JAZF1: variants seen among roughly 807,000 people sequenced by gnomAD.
The protein encoded by JAZF1 is JAZF zinc finger 1.
A neutral mutation model predicts 26.4 loss-of-function variants in JAZF1; 8 were observed. The ratio of observed to expected loss-of-function variants is 0.30; its 90% CI spans 0.18 to 0.55. JAZF1 has a LOEUF of 0.55. Among genes scored for constraint, JAZF1 ranks in the 20% least tolerant of loss-of-function variants. The pLI is 0.94. For missense variants in JAZF1, 199 were observed against 322.0 expected, an observed-to-expected ratio of 0.62 and a Z score of 2.92; for synonymous variants, 126 against 122.3, an observed-to-expected ratio of 1.03 and a Z score of -0.20.
intron 1 of JAZF1, among the ~76,000 whole-genome samples, chr7:28,147,710 A>G (rs1431581146): frequency 6.7e-6 from 1 of 149,786 alleles, no homozygotes; most frequent in African/African-American, 2.4e-5. Flanking sequence ...ATATATACAT[A>G]TATATATACA....
chr7:27,958,066 C>T (rs1278643056), intron 2 of JAZF1, among the ~76,000 whole-genome samples: 1 of 152,106 alleles, frequency 6.6e-6, no homozygotes, highest in Non-Finnish European at 1.5e-5. Context: ...AGAGGAGGTG[C>T]AAGGAATGGG....
chr7:28,091,474 T>C (rs1466485083), intron 1 of JAZF1, among the ~76,000 whole-genome samples: 2 of 151,790 alleles, frequency 1.3e-5, no homozygotes, highest in African/African-American at 4.8e-5. Context: ...TTTAGGTATT[T>C]CCCATTAAAT....
intron 4 of JAZF1, among the ~76,000 whole-genome samples, chr7:27,838,899 G>A (rs554161032): frequency 6.6e-6 from 1 of 152,156 alleles, no homozygotes; most frequent in Non-Finnish European, 1.5e-5. Context: ...CAGTTAATGG[G>A]GCTGGAGCCA....
chr7:28,083,484 T>G (rs1784168456), intron 1 of JAZF1, among the ~76,000 whole-genome samples: 1 of 152,354 alleles, frequency 6.6e-6, no homozygotes, highest in South Asian at 2.1e-4. Flanking sequence ...TCACATGCTA[T>G]GTGAACTCAG....
Position 27,895,382 on chromosome 7 carries a change from A to C in JAZF1, c.223T>G (p.Ser75Ala). The change falls in exon 3 of 5, where the codon TCC becomes GCC. Residue 75 changes from serine to alanine, a missense_variant. Around this residue, in one of 2 missense-constraint regions of JAZF1, gnomAD observed 137 missense variants for 184.8 expected, o/e 0.74. Transcript: ENST00000283928. ...TTCGGCTGAATCTTCTTCTTTAGGG[A>C]CTCCTGCTCTCGGCGGGCAGCATCT... is the stretch of plus-strand genomic sequence containing the variant. ...MTDAARREQE[S>A]LKKKIQPKLS... 1 of 1,587,800 alleles carries C rather than the reference A, an allele frequency of 6.3e-7. No homozygotes were observed. Among genetic ancestry groups the C allele is most frequent in the Non-Finnish European group, 8.6e-7 (1 of 1,167,424 alleles).
intron 2 of JAZF1, among the ~76,000 whole-genome samples, chr7:27,985,113 T>C (rs1272342041): frequency 1.3e-5 from 2 of 151,996 alleles, no homozygotes; most frequent in Non-Finnish European, 2.9e-5. Flanking sequence ...AGAGCAGAAC[T>C]GAAGAAGATA....
At chr7:28,026,566 A>T (rs1381298372) in intron 1 of JAZF1, among the ~76,000 whole-genome samples, 1 of 152,148 alleles carries the variant, frequency 6.6e-6, no homozygotes, top group Non-Finnish European at 1.5e-5. Context: ...TTGAAAATGC[A>T]TTCCCCCTAG....
chr7:27,916,051 G>A (rs1235055175), intron 2 of JAZF1, among the ~76,000 whole-genome samples: 1 of 152,046 alleles, frequency 6.6e-6, no homozygotes, highest in Non-Finnish European at 1.5e-5. Flanking sequence ...CACAGGGGTG[G>A]GTATGGGAGG....
intron 3 of JAZF1, among the ~76,000 whole-genome samples, chr7:27,892,496 G>T (rs1338395417): frequency 2.0e-5 from 3 of 152,062 alleles, no homozygotes; most frequent in African/African-American, 7.3e-5. Context: ...CACTAATTGG[G>T]GCAGTCACAG....
chr7:27,940,282 C>A (rs147877646), intron 2 of JAZF1, among the ~76,000 whole-genome samples: 1,208 of 93,700 alleles, frequency 0.013, 18 homozygotes, highest in African/African-American at 0.049. Context: ...AGGGCCGGGT[C>A]ACGGCGGTGT....
intron 1 of JAZF1, among the ~76,000 whole-genome samples, chr7:28,031,205 T>C (rs1439069823): frequency 6.6e-6 from 1 of 152,122 alleles, no homozygotes; most frequent in Admixed American, 6.5e-5. Flanking sequence ...AAGAAAGAAG[T>C]CACCCTTAGG....
intron 3 of JAZF1, among the ~76,000 whole-genome samples, chr7:27,866,276 A>G (rs990723081): frequency 1.3e-5 from 2 of 152,244 alleles, no homozygotes; most frequent in African/African-American, 4.8e-5. Flanking sequence ...CCAGATTGCA[A>G]TGTGCAAAGG....
At chr7:27,867,916 G>A (rs1238884932) in intron 3 of JAZF1, among the ~76,000 whole-genome samples, 3 of 152,200 alleles carry the variant, frequency 2.0e-5, no homozygotes, top group African/African-American at 7.2e-5. Flanking sequence ...CCCTGGCAAT[G>A]CTTTTCCTGT....
At chr7:28,031,787 C>T (rs1159694468) in intron 1 of JAZF1, among the ~76,000 whole-genome samples, 1 of 152,120 alleles carries the variant, frequency 6.6e-6, no homozygotes, top group African/African-American at 2.4e-5. Flanking sequence ...CTGGGCTTAA[C>T]ACCTGAGTGA....
intron 2 of JAZF1, among the ~76,000 whole-genome samples, chr7:27,973,993 C>T (rs1009644840): frequency 2.6e-5 from 4 of 151,976 alleles, no homozygotes; most frequent in Non-Finnish European, 4.4e-5. Context: ...ACATTTGGTG[C>T]CTGATTATTT....
At chr7:27,989,354 A>T (rs1300700565) in intron 2 of JAZF1, among the ~76,000 whole-genome samples, 1 of 152,238 alleles carries the variant, frequency 6.6e-6, no homozygotes, top group Non-Finnish European at 1.5e-5. Flanking sequence ...AAACCTAGGC[A>T]ATAGCATTCA....
At chr7:27,993,585 A>G (rs1785951043) in intron 1 of JAZF1, among the ~76,000 whole-genome samples, 1 of 152,182 alleles carries the variant, frequency 6.6e-6, no homozygotes, top group Admixed American at 6.5e-5. Context: ...GAAATGGCAC[A>G]TTGGTATGCT....
chr7:28,179,173 A>C (rs1205142389), intron 1 of JAZF1, among the ~76,000 whole-genome samples: 1 of 152,224 alleles, frequency 6.6e-6, no homozygotes, highest in East Asian at 1.9e-4. Flanking sequence ...TCTCTGGATT[A>C]GACAGCCCCA....
chr7:28,047,110 T>C (rs920114765), intron 1 of JAZF1, among the ~76,000 whole-genome samples: 2 of 152,186 alleles, frequency 1.3e-5, no homozygotes, highest in Non-Finnish European at 2.9e-5. Context: ...GATCTAAATA[T>C]CTATTTTCCC....
Sources: allele counts gnomAD v4.1 joint callset (sites outside exome capture counted in the v4.1 genomes callset), GRCh38; gene constraint gnomAD v4.1.1; regional missense constraint gnomAD v4.1.1; transcripts MANE v1.5; gene names NCBI Gene and HGNC (gene_info 2026-07-23, HGNC 2026-07-21).